TSPAN5: variants seen among roughly 807,000 people sequenced by gnomAD.
TSPAN5 encodes tetraspanin-5.
Under a neutral mutation model 37.1 loss-of-function variants are expected in TSPAN5, and 10 were observed. The ratio of observed to expected loss-of-function variants is 0.27; its 90% CI spans 0.17 to 0.46. The LOEUF (loss-of-function observed/expected upper bound fraction) is 0.46, where lower values mean the gene tolerates loss of function less well. Ranked by LOEUF, TSPAN5 falls within the 20% of genes least tolerant of loss-of-function variation. The probability of loss-of-function intolerance (pLI) is 1.00; values close to 1 mark genes in which losing one functional copy is unlikely to be tolerated. For synonymous variants in TSPAN5, 110 were observed against 118.9 expected (o/e 0.93, Z 0.48); for missense variants, 195 against 326.6 (o/e 0.60, Z 3.11).
intron 1 of TSPAN5, among the ~76,000 whole-genome samples, chr4:98,604,626 A>G (rs1755963912): frequency 6.6e-6 from 1 of 152,256 alleles, no homozygotes; most frequent in African/African-American, 2.4e-5. Context: ...TTCCATTTTT[A>G]AGATGTACGA....
At position 98,613,449 on chromosome 4, in the gene TSPAN5, G is replaced by C. The variant is rs112358822; in HGVS notation, c.81+44697C>G. ...AACAAGCACACAGAAAAGGTATTTT[G>C]CAAATGAACAAGAATCCATATAAAC... is the stretch of plus-strand genomic sequence containing the variant. On this transcript the variant is annotated intron_variant, in intron 1 of 7. Coordinates refer to ENST00000305798, the MANE Select transcript of TSPAN5 (RefSeq NM_005723.4). 2.4e-3 allele frequency among the ~76,000 whole-genome samples: 362 copies of C among 152,232 alleles called. 1 individual carries two copies. The highest frequency in any genetic ancestry group is 8.2e-3 in the African/African-American group (342 of 41,526).
At chr4:98,494,159 C>T (rs2110272245) in intron 2 of TSPAN5, among the ~76,000 whole-genome samples, 1 of 152,230 alleles carries the variant, frequency 6.6e-6, no homozygotes, top group African/African-American at 2.4e-5. Flanking sequence ...CATCGTGGTA[C>T]AAGGGAGACT....
At chr4:98,548,799 T>G (rs1403862661) in intron 1 of TSPAN5, among the ~76,000 whole-genome samples, 3 of 152,160 alleles carry the variant, frequency 2.0e-5, no homozygotes, top group Non-Finnish European at 1.5e-5. Context: ...TCTGAGTTAT[T>G]TTACTGATGA....
intron 1 of TSPAN5, among the ~76,000 whole-genome samples, chr4:98,621,187 T>C (rs926163354): frequency 1.3e-5 from 2 of 151,974 alleles, no homozygotes; most frequent in African/African-American, 4.8e-5. Context: ...CAAACCACTA[T>C]AAGCTAGGGG....
rs539505728 is a variant in TSPAN5 at position 98,560,954 on chromosome 4, AAC to A, written c.82-53228_82-53227del. Among the ~76,000 whole-genome samples the A allele has an allele frequency of 9.8e-5, 15 of 152,332 alleles. No homozygotes were observed. In the South Asian group the frequency reaches 2.9e-3, roughly 29 times the overall value. ...AATTAATATGCAGGCAACTAACGAT[AAC>A]ACAGTTTGCAGCTAGTATAATGAGG... On this transcript the variant is annotated intron_variant, in intron 1 of 7. Coordinates refer to ENST00000305798, the MANE Select transcript of TSPAN5 (RefSeq NM_005723.4).
chr4:98,645,255 C>A (rs1191679158), intron 1 of TSPAN5, among the ~76,000 whole-genome samples: 1 of 152,192 alleles, frequency 6.6e-6, no homozygotes, highest in Non-Finnish European at 1.5e-5. Context: ...TACCAACAGG[C>A]ACCAATAATA....
At position 98,536,538 on chromosome 4, in the gene TSPAN5, C is replaced by A. The variant is rs561877779; in HGVS notation, c.82-28810G>T. Among the ~76,000 whole-genome samples, 83 of 152,354 alleles carry A rather than the reference C, an allele frequency of 5.4e-4. No homozygotes were observed. The Middle Eastern group carries it at 0.027, about 50-fold the overall frequency. On this transcript the variant is annotated intron_variant, in intron 1 of 7. Coordinates refer to ENST00000305798, the MANE Select transcript of TSPAN5 (RefSeq NM_005723.4). ...GAGCTCAAACACTGTGCTGGGAGGT[C>A]CGCTGCTCTCTTCAGAGCTGTCAGG...
intron 3 of TSPAN5, 126 bp from the exon 4 acceptor site, chr4:98,482,301 A>G: frequency 3.9e-6 from 3 of 778,024 alleles, no homozygotes; most frequent in Non-Finnish European, 4.0e-6. Context: ...AAAGCAGATA[A>G]TCTTCAGTTT....
At position 98,562,328 on chromosome 4, in the gene TSPAN5, T is replaced by C. The variant is rs538199130; in HGVS notation, c.82-54600A>G. Among the ~76,000 whole-genome samples, 55 of 151,726 alleles carry C rather than the reference T, an allele frequency of 3.6e-4. 1 individual carries two copies. The highest frequency in any genetic ancestry group is 1.3e-3 in the African/African-American group (53 of 41,348). On this transcript the variant is annotated intron_variant, in intron 1 of 7. Transcript: ENST00000305798. ...GGCCCAGGCCTCAGGAGAGAGGAGA[T>C]GAAAACTGAAATAAGACAACAGGAG...
intron 1 of TSPAN5, among the ~76,000 whole-genome samples, chr4:98,628,228 GT>G (rs930784631): frequency 6.6e-6 from 1 of 151,950 alleles, no homozygotes; most frequent in East Asian, 1.9e-4. Context: ...AGGTATAAGG[GT>G]TTTTTTCAAC....
intron 1 of TSPAN5, among the ~76,000 whole-genome samples, chr4:98,633,427 T>A (rs1410264042): frequency 2.0e-5 from 3 of 152,146 alleles, no homozygotes; most frequent in Non-Finnish European, 1.5e-5. Flanking sequence ...ATAATAAAAT[T>A]GCAGATGAAG....
chr4:98,507,176 T>C (rs993895708), intron 2 of TSPAN5, among the ~76,000 whole-genome samples: 1 of 152,226 alleles, frequency 6.6e-6, no homozygotes, highest in Non-Finnish European at 1.5e-5. Context: ...ACATTAATGA[T>C]GAGTGTATTT....
At chr4:98,627,247 G>C (rs1756627782) in intron 1 of TSPAN5, among the ~76,000 whole-genome samples, 1 of 152,206 alleles carries the variant, frequency 6.6e-6, no homozygotes, top group Admixed American at 6.5e-5. Context: ...AGACTGGAAA[G>C]ATATGACAGC....
chr4:98,490,646 C>A (rs1427166493), intron 2 of TSPAN5, among the ~76,000 whole-genome samples: 4 of 152,198 alleles, frequency 2.6e-5, no homozygotes, highest in African/African-American at 4.8e-5. Flanking sequence ...TCAGAATATA[C>A]CCACGTAGTT....
chr4:98,550,411 T>C (rs561703265), intron 1 of TSPAN5, among the ~76,000 whole-genome samples: 1 of 152,312 alleles, frequency 6.6e-6, no homozygotes, highest in African/African-American at 2.4e-5. Flanking sequence ...TTTTTAATTC[T>C]GTGAAAAATA....
Position 98,619,674 on chromosome 4 carries a change from A to G in TSPAN5, c.81+38472T>C, listed in dbSNP as rs191599700. 1.7e-3 allele frequency among the ~76,000 whole-genome samples: 263 copies of G among 152,352 alleles called. 1 individual carries two copies. The Middle Eastern group carries it at 0.034, about 20-fold the overall frequency. ...TTAGAAAAGAGCACCGTGAAGGAAC[A>G]CAGATTGACGAGTGTCCATCTGTTC... On this transcript the variant is annotated intron_variant, in intron 1 of 7. Coordinates refer to ENST00000305798, the MANE Select transcript of TSPAN5 (RefSeq NM_005723.4).
chr4:98,516,594 A>G (rs746938296), intron 1 of TSPAN5, among the ~76,000 whole-genome samples: 13 of 152,188 alleles, frequency 8.5e-5, no homozygotes, highest in Admixed American at 2.0e-4. Flanking sequence ...TGGTTTGAGC[A>G]CGGTTTGTCT....
rs533099601 is a variant in TSPAN5 at position 98,581,593 on chromosome 4, T to C, written c.82-73865A>G. Among the ~76,000 whole-genome samples, 23 of 152,284 alleles carry C rather than the reference T, an allele frequency of 1.5e-4. No homozygotes were observed. In the East Asian group the frequency reaches 3.5e-3, roughly 23 times the overall value. ...TATTCCACAAACAAGAAAAACATAATACAATGAAATCCAAAACGGATTAAC... is the reference window on the plus strand; with the variant it reads ...TATTCCACAAACAAGAAAAACATAACACAATGAAATCCAAAACGGATTAAC... On this transcript the variant is annotated intron_variant, in intron 1 of 7. Coordinates refer to ENST00000305798, the MANE Select transcript of TSPAN5 (RefSeq NM_005723.4).
At chr4:98,494,930 G>C (rs1316946388) in intron 2 of TSPAN5, among the ~76,000 whole-genome samples, 4 of 152,184 alleles carry the variant, frequency 2.6e-5, no homozygotes, top group African/African-American at 9.7e-5. Flanking sequence ...GAGGCCATGA[G>C]GAAGCTGAAG....
Sources: gnomAD v4.1 joint callset for allele counts (sites outside exome capture counted in the v4.1 genomes callset) on GRCh38, gnomAD v4.1.1 for gene constraint, MANE v1.5 for transcripts, NCBI Gene and HGNC (gene_info 2026-07-23, HGNC 2026-07-21) for gene names.